The following MAP4K4 variants were observed in gnomAD, a reference collection of about 807,000 sequenced individuals.
MAP4K4 encodes the protein mitogen-activated protein kinase kinase kinase kinase 4.
Under a neutral mutation model 189.6 loss-of-function variants are expected in MAP4K4, and 38 were observed. That is an observed-to-expected ratio of 0.20 (90% CI 0.15 to 0.26). The LOEUF (loss-of-function observed/expected upper bound fraction) is 0.26. Among genes scored for constraint, MAP4K4 ranks in the 10% least tolerant of loss-of-function variants. MAP4K4 has a pLI of 1.00. For missense variants in MAP4K4, 1,054 were observed against 1,726.9 expected, an observed-to-expected ratio of 0.61 and a Z score of 6.91; for synonymous variants, 610 against 624.3, an observed-to-expected ratio of 0.98 and a Z score of 0.34.
intron 5 of MAP4K4, among the ~76,000 whole-genome samples, chr2:101,828,552 A>G (rs558866700): frequency 6.6e-6 from 1 of 152,340 alleles, no homozygotes; most frequent in South Asian, 2.1e-4. Flanking sequence ...GAAACCCCCT[A>G]TGTTAGAAAA....
chr2:101,809,860 T>G (rs2095298730), intron 3 of MAP4K4, among the ~76,000 whole-genome samples: 1 of 152,230 alleles, frequency 6.6e-6, no homozygotes, highest in South Asian at 2.1e-4. Context: ...TTCAAAAACA[T>G]CTGGTCTAAA....
rs2095276007 is a variant in MAP4K4, at chr2:101,809,513, T to C, written c.181-14415T>C. On this transcript the variant is annotated intron_variant, in intron 3 of 32. Coordinates refer to ENST00000324219, the Ensembl canonical transcript of MAP4K4. ...TTATTTTAACTCATCTGAATATAAA[T>C]AAAACTGAAGTTAGGGAAAGGAAGC... is the stretch of plus-strand genomic sequence containing the variant. Among the ~76,000 whole-genome samples, 3 of 152,198 alleles carry C rather than the reference T, an allele frequency of 2.0e-5. No individual in the cohort carries two copies. The South Asian group carries it at 6.2e-4, about 32-fold the overall frequency.
chr2:101,769,646 C>T (rs578261804), intron 2 of MAP4K4, among the ~76,000 whole-genome samples: 139 of 151,250 alleles, frequency 9.2e-4, no homozygotes, highest in Admixed American at 1.5e-3. Context: ...TGCAGTGGTG[C>T]GATCTTGGCT....
intron 9 of MAP4K4, among the ~76,000 whole-genome samples, chr2:101,836,904 G>C (rs1433476088): frequency 1.2e-4 from 18 of 152,124 alleles, no homozygotes; most frequent in Non-Finnish European, 1.5e-5. Context: ...TGGGTTAGTT[G>C]TAAAATCTTG....
intron 26 of MAP4K4, among the ~76,000 whole-genome samples, chr2:101,876,363 G>A (rs113953205): frequency 1.3e-5 from 2 of 152,096 alleles, no homozygotes; most frequent in Non-Finnish European, 2.9e-5. Flanking sequence ...AGACTGTGAC[G>A]GTACAAGGTT....
exon 9 of MAP4K4, chr2:101,835,928 A>C (rs1264538038): frequency 2.5e-6 from 4 of 1,613,736 alleles, no homozygotes; most frequent in Admixed American, 1.7e-5. Flanking sequence ...CAATGAGAGC[A>C]CTGTTTCTCA....
intron 3 of MAP4K4, among the ~76,000 whole-genome samples, chr2:101,804,989 G>A (rs529769570): frequency 1.4e-5 from 2 of 147,898 alleles, no homozygotes; most frequent in African/African-American, 2.5e-5. Context: ...CAGGAGAATC[G>A]CTCGAACCCA....
chr2:101,843,470 GT>G (rs1409380325), intron 11 of MAP4K4, among the ~76,000 whole-genome samples: 1 of 152,194 alleles, frequency 6.6e-6, no homozygotes, highest in Non-Finnish European at 1.5e-5. Flanking sequence ...CAATGTAATT[GT>G]TTTTGAATAG....
chr2:101,774,062 T>C (rs1051830780), intron 2 of MAP4K4, among the ~76,000 whole-genome samples: 3 of 152,212 alleles, frequency 2.0e-5, no homozygotes, highest in African/African-American at 7.2e-5. Flanking sequence ...ATTTCCTTTC[T>C]TGTGTGTATA....
chr2:101,879,186 G>A (rs1172889999), intron 27 of MAP4K4, among the ~76,000 whole-genome samples: 2 of 104,024 alleles, frequency 1.9e-5, no homozygotes, highest in Non-Finnish European at 3.5e-5. Flanking sequence ...CAGAGTGAGA[G>A]CCTGTCTCCA....
exon 33 of MAP4K4, chr2:101,892,839 C>T (rs1377834156): frequency 8.8e-6 from 4 of 454,316 alleles, no homozygotes; most frequent in Non-Finnish European, 1.8e-5. Context: ...CACTCAAGCT[C>T]CCGTAAGGAT....
chr2:101,700,747 G>A (rs1226426768), intron 2 of MAP4K4, among the ~76,000 whole-genome samples: 1 of 147,188 alleles, frequency 6.8e-6, no homozygotes, highest in Non-Finnish European at 1.5e-5. Flanking sequence ...CACTATTAAC[G>A]TTTTCTTGAT....
chr2:101,812,737 G>A (rs73943788), intron 3 of MAP4K4, among the ~76,000 whole-genome samples: 2,443 of 152,256 alleles, frequency 0.016, 75 homozygotes, highest in African/African-American at 0.055. Flanking sequence ...GTGGTGGGAT[G>A]CTAGGGGACG....
At chr2:101,888,039 A>G (rs1057060820) in intron 31 of MAP4K4, 102 bp downstream of exon 31, 53 of 1,073,062 alleles carry the variant, frequency 4.9e-5, no homozygotes, top group Non-Finnish European at 6.8e-5. Flanking sequence ...AGACCTTTTG[A>G]CTACCATTGA....
chr2:101,710,022 G>C (rs539705983), intron 2 of MAP4K4, among the ~76,000 whole-genome samples: 1 of 152,282 alleles, frequency 6.6e-6, no homozygotes, highest in Admixed American at 6.5e-5. Context: ...GACTACCAGA[G>C]CCCTTCTCCC....
At chr2:101,705,868 AT>A (rs1298827336) in intron 2 of MAP4K4, among the ~76,000 whole-genome samples, 1 of 152,188 alleles carries the variant, frequency 6.6e-6, no homozygotes, top group Non-Finnish European at 1.5e-5. Flanking sequence ...CCCTTTGAAC[AT>A]TGGGGAGCTA....
rs114802471 is a variant in MAP4K4 at position 101,805,647 on chromosome 2, A to G, written c.180+14871A>G. ...TTATAGGGAAAATATTCACGTCTGT[A>G]TTTCTCATAGTTTGGGCATGGTTAA... On this transcript the variant is annotated intron_variant, in intron 3 of 32. Coordinates refer to ENST00000324219, the Ensembl canonical transcript of MAP4K4. Among the ~76,000 whole-genome samples, 528 of 152,312 alleles carry G rather than the reference A, an allele frequency of 3.5e-3. 2 individuals carry two copies. The highest frequency in any genetic ancestry group is 0.012 in the African/African-American group (513 of 41,568).
chr2:101,867,535 C>T (rs973506213), intron 20 of MAP4K4: 1 of 497,402 alleles, frequency 2.0e-6, no homozygotes, highest in Admixed American at 3.6e-5. Context: ...TTCTGTTGTT[C>T]CAGCCATACA....
intron 4 of MAP4K4, among the ~76,000 whole-genome samples, 171 bp downstream of exon 4, chr2:101,824,224 A>ATGC: frequency 6.6e-6 from 1 of 152,274 alleles, no homozygotes; most frequent in Non-Finnish European, 1.5e-5. Context: ...GGTTGACTAT[A>ATGC]TGCTGGTTGT....
Sources: gnomAD v4.1 joint callset for allele counts (sites outside exome capture counted in the v4.1 genomes callset) on GRCh38, gnomAD v4.1.1 for gene constraint, MANE v1.5 for transcripts, NCBI Gene and HGNC (gene_info 2026-07-23, HGNC 2026-07-21) for gene names.